The following RP1L1 variants were observed in gnomAD, a reference collection of about 807,000 sequenced individuals.
RP1L1 encodes the protein RP1 like 1.
RP1L1 carries 27 observed loss-of-function variants against 15.7 expected under a neutral mutation model. The observed-to-expected ratio is 1.72, with a 90% CI of 1.27 to 2.38. The LOEUF is 2.38. RP1L1 is among the 30% of genes most tolerant of loss of function. The pLI, the probability that RP1L1 is intolerant of heterozygous loss-of-function variation, is 0.00. For synonymous variants in RP1L1, 1,813 were observed against 1,276.7 expected (o/e 1.42, Z -8.96); for missense variants, 4,798 against 3,075.9 (o/e 1.56, Z -13.24).
intron 1 of RP1L1, among the ~76,000 whole-genome samples, chr8:10,645,740 G>C (rs1798467260): frequency 6.6e-6 from 1 of 152,148 alleles, no homozygotes; most frequent in African/African-American, 2.4e-5. Context: ...ACGGACACCT[G>C]CGAGTGATGG....
At position 10,612,861 on chromosome 8, in the gene RP1L1, G is replaced by T. The variant is rs1289164660; in HGVS notation, c.1237C>A (p.His413Asn). 6.2e-7 allele frequency: 1 copy of T among 1,612,792 alleles called. No individual in the cohort carries two copies. The highest frequency in any genetic ancestry group is 8.5e-7 in the Non-Finnish European group (1 of 1,179,906). The part of the protein sequence containing the change: ...PKYEIWTNPL[H>N]ASQGERVAAR... The stretch of plus-strand genomic sequence containing the variant: ...GCCACTCTCTCTCCCTGGGAGGCAT[G>T]CAGGGGATTCGTCCAGATTTCATAC... The change falls in exon 4 of 4, where the codon CAT becomes AAT. Residue 413 changes from histidine (H) to asparagine (N), a missense_variant. Transcript: ENST00000382483.
rs1413929417 is a variant in RP1L1, at chr8:10,612,001, G to A, written c.2097C>T (p.Gly699=). Residue 699 remains glycine (G), a synonymous_variant, in exon 4 of 4, where the codon GGC becomes GGT. Transcript: ENST00000382483. ...PPERRRACQD[G]SVPRYSGSSS... is the part of the protein sequence containing the mutation. ...AGCTTCCAGAATATCGTGGCACTGA[G>A]CCATCCTGGCAGGCCCTTCGCCGCT... 3 of 1,613,696 alleles carry A rather than the reference G, an allele frequency of 1.9e-6. No individual in the cohort carries two copies. The highest frequency in any genetic ancestry group is 2.5e-6 in the Non-Finnish European group (3 of 1,179,980).
Position 10,609,364 on chromosome 8 carries a change from C to A in RP1L1, c.4734G>T (p.Lys1578Asn), listed in dbSNP as rs1797781088. Reference sequence around the variant, plus strand: ...CCATCCTACCCGCCCGGCCCTGGAGCTTCTGGAGCTCTCTCTTGGTGCTGT... The same window carrying A: ...CCATCCTACCCGCCCGGCCCTGGAGATTCTGGAGCTCTCTCTTGGTGCTGT... ...LQDSTKRELQ[K>N]LQGRAGRMVL... Residue 1578 changes from lysine (K) to asparagine (N), a missense_variant, in exon 4 of 4, where the codon AAG becomes AAT. Coordinates refer to ENST00000382483, the MANE Select transcript of RP1L1 (RefSeq NM_178857.6). 6.2e-7 allele frequency: 1 copy of A among 1,610,162 alleles called. No homozygotes were observed. Among genetic ancestry groups the A allele is most frequent in the Non-Finnish European group, 8.5e-7 (1 of 1,179,912 alleles).
chr8:10,629,313 C>T (rs542209378), intron 1 of RP1L1, among the ~76,000 whole-genome samples: 1 of 152,174 alleles, frequency 6.6e-6, no homozygotes, highest in South Asian at 2.1e-4. Context: ...TACCCATGGC[C>T]CTGAGAAAGT....
intron 1 of RP1L1, among the ~76,000 whole-genome samples, chr8:10,632,814 T>A (rs931045857): frequency 6.6e-6 from 1 of 151,820 alleles, no homozygotes; most frequent in Non-Finnish European, 1.5e-5. Flanking sequence ...AGATGAGGAG[T>A]TGGAAGCCTT....
intron 1 of RP1L1, among the ~76,000 whole-genome samples, chr8:10,632,041 G>A (rs1798261051): frequency 6.6e-6 from 1 of 152,188 alleles, no homozygotes; most frequent in Non-Finnish European, 1.5e-5. Flanking sequence ...GGCAGTGGGG[G>A]AGGGAGCCTT....
chr8:10,616,983 C>T (rs1254831221), intron 2 of RP1L1, among the ~76,000 whole-genome samples: 1 of 152,210 alleles, frequency 6.6e-6, no homozygotes, highest in Non-Finnish European at 1.5e-5. Context: ...CCGATTCACT[C>T]TCTCATTCTT....
In RP1L1 at chr8:10,613,089, G is replaced by A. The variant is rs1300267627; in HGVS notation, c.1009C>T (p.Leu337Phe). 1 of 1,613,868 alleles carries A rather than the reference G, an allele frequency of 6.2e-7. No homozygotes were observed. Among genetic ancestry groups the A allele is most frequent in the Middle Eastern group, 1.6e-4 (1 of 6,062 alleles). Residue 337 changes from leucine to phenylalanine, a missense_variant, in exon 4 of 4, where the codon CTC becomes TTC. By Grantham distance (22) the Leu-to-Phe change is conservative. Coordinates refer to ENST00000382483, the MANE Select transcript of RP1L1 (RefSeq NM_178857.6). ...CTGCCCATCCTCCGGGACCATAGGA[G>A]CGTGTCCTCGCCGACCAGGTGGAAG... ...VRFHLVGEDTLLWSRRMGRAS... is the reference protein window; with the variant it reads ...VRFHLVGEDTFLWSRRMGRAS...
Position 10,612,787 on chromosome 8 carries a change from C to T in RP1L1, c.1311G>A (p.Leu437=). 1.2e-6 allele frequency: 2 copies of T among 1,610,726 alleles called. No homozygotes were observed. Among genetic ancestry groups the T allele is most frequent in the Non-Finnish European group, 1.7e-6 (2 of 1,179,936 alleles). ...CCCTCCCGGCAGTCCCGTGGCCCCA[C>T]AGGCCACTGCAGCGGACGTGCTGGG... ...GLAQHVRCSG[L]WGHGTAGRER... The change falls in exon 4 of 4, where the codon CTG becomes CTA. Residue 437 remains leucine, a synonymous_variant. Transcript: ENST00000382483.
chr8:10,631,725 C>T (rs956288278), intron 1 of RP1L1, among the ~76,000 whole-genome samples: 1 of 152,212 alleles, frequency 6.6e-6, no homozygotes, highest in Non-Finnish European at 1.5e-5. Flanking sequence ...TCTGCCAGTG[C>T]CGCCCGAGCC....
chr8:10,635,818 A>T (rs1447973482), intron 1 of RP1L1, among the ~76,000 whole-genome samples: 1 of 152,252 alleles, frequency 6.6e-6, no homozygotes, highest in Non-Finnish European at 1.5e-5. Flanking sequence ...TTAGTTACTT[A>T]CGGAGCGCTG....
At chr8:10,653,843 G>C (rs536621484) in intron 1 of RP1L1, among the ~76,000 whole-genome samples, 48 of 152,350 alleles carry the variant, frequency 3.2e-4, no homozygotes, top group African/African-American at 1.0e-3. Context: ...TCTTGAAGGT[G>C]TGTTCTCACT....
At chr8:10,628,405 A>T (rs986131708) in intron 1 of RP1L1, among the ~76,000 whole-genome samples, 1 of 152,194 alleles carries the variant, frequency 6.6e-6, no homozygotes, top group African/African-American at 2.4e-5. Flanking sequence ...AAACAAGCAC[A>T]TTCCCATAAA....
Position 10,611,108 on chromosome 8 carries a change from T to A in RP1L1, c.2990A>T (p.Asp997Val), listed in dbSNP as rs776955344. ...CTCCCCCAGGCCTTCCAGAGAATGG[T>A]CATCCCCAGGGTCCACCTCGGGGCC... Reference protein sequence around the residue: ...LRGPEVDPGDDHSLEGLGEPA... With the variant: ...LRGPEVDPGDVHSLEGLGEPA... The change falls in exon 4 of 4, where the codon GAC becomes GTC. Residue 997 changes from aspartate to valine, a missense_variant. Coordinates refer to ENST00000382483, the MANE Select transcript of RP1L1 (RefSeq NM_178857.6). 19 of 1,612,838 alleles carry A rather than the reference T, an allele frequency of 1.2e-5. No homozygotes were observed. Among genetic ancestry groups the A allele is most frequent in the Non-Finnish European group, 1.6e-5 (19 of 1,179,996 alleles).
chr8:10,635,070 C>T (rs1480213880), intron 1 of RP1L1, among the ~76,000 whole-genome samples: 2 of 152,206 alleles, frequency 1.3e-5, no homozygotes, highest in Non-Finnish European at 2.9e-5. Flanking sequence ...GGCTAATCCT[C>T]ATAAACGCAC....
At chr8:10,623,531 C>G (rs1483284588) in intron 1 of RP1L1, among the ~76,000 whole-genome samples, 1 of 151,272 alleles carries the variant, frequency 6.6e-6, no homozygotes. Context: ...AAACCAGGAC[C>G]ACAATGTCCC....
intron 1 of RP1L1, among the ~76,000 whole-genome samples, chr8:10,645,881 G>A (rs1035795196): frequency 3.3e-5 from 5 of 152,174 alleles, no homozygotes; most frequent in Admixed American, 1.3e-4. Context: ...TGGCCCTGGC[G>A]GCTGGGAGCA....
chr8:10,620,214 T>C (rs1030568183), intron 2 of RP1L1, among the ~76,000 whole-genome samples: 1 of 152,204 alleles, frequency 6.6e-6, no homozygotes, highest in Non-Finnish European at 1.5e-5. Flanking sequence ...CTCACTTCTT[T>C]TGCTATAAAA....
Position 10,610,909 on chromosome 8 carries a change from C to T in RP1L1, c.3189G>A (p.Glu1063=). 1 of 1,611,004 alleles carries T rather than the reference C, an allele frequency of 6.2e-7. No individual in the cohort carries two copies. The highest frequency in any genetic ancestry group is 8.5e-7 in the Non-Finnish European group (1 of 1,179,224). The change falls in exon 4 of 4, where the codon GAG becomes GAA. Residue 1063 remains glutamate, a synonymous_variant. Coordinates refer to ENST00000382483, the MANE Select transcript of RP1L1 (RefSeq NM_178857.6). ...EAPAEAGADR[E]APAGCRVSLR... ...GGCTCACCCTGCAGCCTGCTGGGGC[C>T]TCTCTGTCTGCTCCGGCCTCTGCAG... is the stretch of plus-strand genomic sequence containing the variant.
Sources: gnomAD v4.1 joint callset for allele counts (sites outside exome capture counted in the v4.1 genomes callset) on GRCh38, gnomAD v4.1.1 for gene constraint, MANE v1.5 for transcripts, NCBI Gene and HGNC (gene_info 2026-07-23, HGNC 2026-07-21) for gene names.